Variants in BMP6 observed in about 807,000 individuals in gnomAD.
The protein encoded by BMP6 is VG-1-R.
BMP6 carries 17 observed loss-of-function variants against 54.1 expected under a neutral mutation model. That is an observed-to-expected ratio of 0.31 (90% CI 0.22 to 0.47). The LOEUF (loss-of-function observed/expected upper bound fraction) is 0.47, where lower values mean the gene tolerates loss of function less well. Among genes scored for constraint, BMP6 ranks in the 20% least tolerant of loss-of-function variants. The pLI, the probability that BMP6 is intolerant of heterozygous loss-of-function variation, is 1.00. For synonymous variants in BMP6, 328 were observed against 291.2 expected, an observed-to-expected ratio of 1.13 and a Z score of -1.28; for missense variants, 720 against 690.4, an observed-to-expected ratio of 1.04 and a Z score of -0.48.
chr6:7,823,156 C>G (rs1272816713), intron 1 of BMP6, among the ~76,000 whole-genome samples: 1 of 152,122 alleles, frequency 6.6e-6, no homozygotes, highest in Admixed American at 6.5e-5. Context: ...CGACACGTCC[C>G]AAACATTTCC....
chr6:7,808,465 A>T (rs1408728786), intron 1 of BMP6, among the ~76,000 whole-genome samples: 2 of 152,216 alleles, frequency 1.3e-5, no homozygotes, highest in Non-Finnish European at 2.9e-5. Flanking sequence ...TGCATTGCAC[A>T]TAACTTCTTA....
chr6:7,730,474 T>C (rs1426939338), intron 1 of BMP6, among the ~76,000 whole-genome samples: 1 of 152,194 alleles, frequency 6.6e-6, no homozygotes, highest in East Asian at 1.9e-4. Context: ...TTATAGCTAC[T>C]GTAGGTCCAC....
intron 1 of BMP6, among the ~76,000 whole-genome samples, chr6:7,828,405 C>A (rs897646869): frequency 6.6e-6 from 1 of 152,146 alleles, no homozygotes; most frequent in Non-Finnish European, 1.5e-5. Context: ...GTTCGTGCAC[C>A]CTGCGGTGGT....
At chr6:7,863,205 G>A (rs977703958) in intron 4 of BMP6, among the ~76,000 whole-genome samples, 5 of 152,080 alleles carry the variant, frequency 3.3e-5, no homozygotes, top group African/African-American at 1.2e-4. Flanking sequence ...TCACCATGTT[G>A]ACCAGGATGG....
rs760818276 is a variant in BMP6, at chr6:7,845,187, T to C, written c.712T>C (p.Phe238Leu). 1.9e-6 allele frequency: 3 copies of C among 1,613,608 alleles called. No individual in the cohort carries two copies. The highest frequency in any genetic ancestry group is 2.5e-6 in the Non-Finnish European group (3 of 1,179,870). Residue 238 changes from phenylalanine (F) to leucine (L), a missense_variant, in exon 2 of 7, where the codon TTC becomes CTC. By Grantham distance (22) the Phe-to-Leu change is conservative (BLOSUM62 0). Transcript: ENST00000283147. ...CCCTCGTCAGCGACACCACAAAGAG[T>C]TCAAGTTCAACTTATCCCAGATTCC... ...FSPRQRHHKE[F>L]KFNLSQIPEG... is the part of the protein sequence containing the mutation.
At chr6:7,811,705 A>G (rs1470436061) in intron 1 of BMP6, among the ~76,000 whole-genome samples, 1 of 152,166 alleles carries the variant, frequency 6.6e-6, no homozygotes, top group Non-Finnish European at 1.5e-5. Context: ...AATTGATTCC[A>G]GGCCTCTTCA....
chr6:7,772,219 C>T (rs772369123), intron 1 of BMP6, among the ~76,000 whole-genome samples: 8 of 152,192 alleles, frequency 5.3e-5, no homozygotes, highest in Non-Finnish European at 1.2e-4. Flanking sequence ...GGTCCTAAGC[C>T]AACAGAGTGG....
At chr6:7,818,689 G>C (rs1758564637) in intron 1 of BMP6, among the ~76,000 whole-genome samples, 3 of 152,216 alleles carry the variant, frequency 2.0e-5, no homozygotes, top group African/African-American at 7.2e-5. Flanking sequence ...CTCCTCCAGA[G>C]CCTGAGGTCC....
At chr6:7,727,733 G>A (rs2113096663) in intron 1 of BMP6, 114 bp downstream of exon 1, 2 of 1,266,822 alleles carry the variant, frequency 1.6e-6, no homozygotes, top group Non-Finnish European at 2.0e-6. Context: ...CCCGCCTGGT[G>A]CGCCAGAGAA....
At chr6:7,773,036 TTCCAAGGCCC>T (rs1429402929) in intron 1 of BMP6, among the ~76,000 whole-genome samples, 6 of 152,334 alleles carry the variant, frequency 3.9e-5, no homozygotes, top group African/African-American at 1.4e-4. Flanking sequence ...GAGGGGACTC[TTCCAAGGCCC>T]TCCAAGGGCC....
At chr6:7,763,001 G>A (rs533899824) in intron 1 of BMP6, among the ~76,000 whole-genome samples, 2 of 152,354 alleles carry the variant, frequency 1.3e-5, no homozygotes, top group East Asian at 1.9e-4. Context: ...ATGGCCGTGC[G>A]GCAGGCGCCC....
At chr6:7,805,936 C>T (rs1345032328) in intron 1 of BMP6, among the ~76,000 whole-genome samples, 1 of 152,220 alleles carries the variant, frequency 6.6e-6, no homozygotes, top group African/African-American at 2.4e-5. Flanking sequence ...GTTGGAATGA[C>T]ACATGACTGC....
chr6:7,761,828 T>C (rs1757618017), intron 1 of BMP6, among the ~76,000 whole-genome samples: 1 of 152,230 alleles, frequency 6.6e-6, no homozygotes. Flanking sequence ...TCATTTGTTA[T>C]TGTCTCATTG....
chr6:7,750,830 T>C (rs1333565802), intron 1 of BMP6, among the ~76,000 whole-genome samples: 1 of 152,188 alleles, frequency 6.6e-6, no homozygotes, highest in African/African-American at 2.4e-5. Context: ...AAATATAAGA[T>C]AACTTCCTCA....
At chr6:7,855,668 C>T (rs1759217245) in intron 2 of BMP6, among the ~76,000 whole-genome samples, 2 of 146,914 alleles carry the variant, frequency 1.4e-5, no homozygotes, top group Non-Finnish European at 3.0e-5. Context: ...CTCAAGAGAT[C>T]CTCCCACCTC....
At chr6:7,769,083 G>A (rs1757743022) in intron 1 of BMP6, among the ~76,000 whole-genome samples, 1 of 152,196 alleles carries the variant, frequency 6.6e-6, no homozygotes, top group African/African-American at 2.4e-5. Context: ...CACTGAGTAT[G>A]TGACGTGTTA....
At chr6:7,875,273 C>A (rs910038246) in intron 4 of BMP6, among the ~76,000 whole-genome samples, 1 of 152,116 alleles carries the variant, frequency 6.6e-6, no homozygotes, top group Admixed American at 6.6e-5. Context: ...GGCCCTGAAC[C>A]GAGGAGATGA....
At chr6:7,865,117 A>G (rs1443332420) in intron 4 of BMP6, among the ~76,000 whole-genome samples, 1 of 152,188 alleles carries the variant, frequency 6.6e-6, no homozygotes, top group Non-Finnish European at 1.5e-5. Context: ...TTGAGAAAAG[A>G]TGTTGTGTCT....
rs115216766 is a variant in BMP6 at position 7,783,656 on chromosome 6, T to C, written c.664+56037T>C. Among the ~76,000 whole-genome samples, 942 of 152,374 alleles carry C rather than the reference T, an allele frequency of 6.2e-3. 8 individuals are homozygous for C. The highest frequency in any genetic ancestry group is 0.022 in the African/African-American group (911 of 41,590). Reference sequence around the variant, plus strand: ...TAAAAATTGTTAAGATTGACTTTCATGTCTTCCCCCTCCTTTCTCTTGTTC... The same window carrying C: ...TAAAAATTGTTAAGATTGACTTTCACGTCTTCCCCCTCCTTTCTCTTGTTC... On this transcript the variant is annotated intron_variant, in intron 1 of 6. Transcript: ENST00000283147.
Sources: allele counts gnomAD v4.1 joint callset (sites outside exome capture counted in the v4.1 genomes callset), GRCh38; gene constraint gnomAD v4.1.1; transcripts MANE v1.5; gene names NCBI Gene and HGNC (gene_info 2026-07-23, HGNC 2026-07-21).